The following CCDC73 variants were observed in gnomAD, a reference collection of about 807,000 sequenced individuals.
The protein encoded by CCDC73 is coiled-coil domain containing 73.
In CCDC73, 95 loss-of-function variants were observed where a neutral mutation model predicts 116.5. The observed-to-expected ratio is 0.82, with a 90% CI of 0.69 to 0.97. The LOEUF is 0.97. Among genes scored for constraint, CCDC73 ranks in the 50% least tolerant of loss-of-function variants. The probability of loss-of-function intolerance (pLI) is 0.00; values close to 1 mark genes in which losing one functional copy is unlikely to be tolerated. For synonymous variants in CCDC73, 398 were observed against 401.3 expected (o/e 0.99, Z 0.10); for missense variants, 1,066 against 1,206.8 (o/e 0.88, Z 1.73).
chr11:32,766,182 T>C (rs555929819), intron 1 of CCDC73, among the ~76,000 whole-genome samples: 1 of 152,104 alleles, frequency 6.6e-6, no homozygotes, highest in Admixed American at 6.5e-5. Flanking sequence ...TAATCCAGCA[T>C]ATAAACAAAA....
At chr11:32,825,231 T>A in the CCDC73 span, among the ~76,000 whole-genome samples, 2 of 151,192 alleles carry the variant, frequency 1.3e-5, no homozygotes, top group Admixed American at 6.6e-5. Context: ...AGAACTTCCA[T>A]GTAATGTGTG....
intron 12 of CCDC73, among the ~76,000 whole-genome samples, chr11:32,645,353 G>A (rs770531100): frequency 2.0e-5 from 3 of 147,016 alleles, no homozygotes; most frequent in African/African-American, 7.6e-5. Context: ...CTGCAATGGC[G>A]CGATCTCGGC....
chr11:32,675,680 T>G (rs771605314), intron 8 of CCDC73, 36 bp from the exon 9 acceptor site: 2 of 1,459,364 alleles, frequency 1.4e-6, no homozygotes, highest in Non-Finnish European at 1.9e-6. Flanking sequence ...AGCATTATAT[T>G]CAATGTATAT....
At chr11:32,616,165 T>C (rs766188916) in intron 14 of CCDC73, 36 bp from the exon 15 acceptor site, 3 of 1,523,368 alleles carry the variant, frequency 2.0e-6, no homozygotes, top group Non-Finnish European at 2.6e-6. Flanking sequence ...TTAAAAACAT[T>C]GCCTACAAGT....
intron 1 of CCDC73, among the ~76,000 whole-genome samples, chr11:32,763,352 G>C (rs1282938984): frequency 6.6e-6 from 1 of 152,226 alleles, no homozygotes; most frequent in East Asian, 1.9e-4. Context: ...CCCCAGTAGG[G>C]GCAGACTGAT....
intron 1 of CCDC73, among the ~76,000 whole-genome samples, chr11:32,764,699 C>T (rs543443914): frequency 9.2e-5 from 14 of 152,258 alleles, no homozygotes; most frequent in African/African-American, 1.7e-4. Flanking sequence ...GAAGAAACTG[C>T]GTAAACTAAC....
chr11:32,797,641 C>G (rs1322564421), upstream of CCDC73, among the ~76,000 whole-genome samples: 6 of 152,186 alleles, frequency 3.9e-5, no homozygotes, highest in Non-Finnish European at 8.8e-5. Context: ...TACACTTTCT[C>G]TCTCCTAATA....
At position 32,786,230 on chromosome 11, in the gene CCDC73, T is replaced by C. The variant is rs1734015732; in HGVS notation, c.-16+8383A>G. Among the ~76,000 whole-genome samples, 2 of 151,500 alleles carry C rather than the reference T, an allele frequency of 1.3e-5. 1 individual carries two copies. Among genetic ancestry groups the C allele is most frequent in the South Asian group, 4.1e-4 (2 of 4,822 alleles). ...TAGAAGGGTTGCCATTAAGAAATGC[T>C]TACTGAATCTTTATTTTTAACATTT... On this transcript the variant is annotated intron_variant, in intron 1 of 17. Coordinates refer to ENST00000335185, the MANE Select transcript of CCDC73 (RefSeq NM_001008391.4).
intron 6 of CCDC73, among the ~76,000 whole-genome samples, chr11:32,691,893 A>C (rs1475361249): frequency 2.0e-5 from 3 of 151,790 alleles, no homozygotes; most frequent in East Asian, 3.9e-4. Context: ...CTAAAAATAC[A>C]AAAAATTAGC....
chr11:32,792,672 A>C (rs1023374621), intron 1 of CCDC73, among the ~76,000 whole-genome samples: 2 of 152,230 alleles, frequency 1.3e-5, no homozygotes, highest in African/African-American at 4.8e-5. Context: ...CAGAAAACTC[A>C]GTCAGATTTC....
chr11:32,627,714 G>A (rs1016012551), intron 14 of CCDC73, among the ~76,000 whole-genome samples: 38 of 151,960 alleles, frequency 2.5e-4, no homozygotes, highest in East Asian at 1.9e-4. Context: ...GCAAACTATC[G>A]CAAGGACAAA....
Position 32,654,946 on chromosome 11 carries a change from C to A in CCDC73, c.672G>T (p.Leu224Phe). Reference protein sequence around the residue: ...KKELKKAASDLIKSKVTCQYK... With the variant: ...KKELKKAASDFIKSKVTCQYK... ...ATTGACATGTGACTTTGGACTTTAT[C>A]AAGTCTGAGGCTGCTTTTTTTAGTT... Residue 224 changes from leucine to phenylalanine, a missense_variant, in exon 10 of 18, where the codon TTG becomes TTT. Transcript: ENST00000335185. The A allele has an allele frequency of 1.2e-6, 2 of 1,601,950 alleles. No individual in the cohort carries two copies. Among genetic ancestry groups the A allele is most frequent in the Admixed American group, 1.8e-5 (1 of 56,736 alleles).
At chr11:32,641,323 G>T (rs937335800) in intron 13 of CCDC73, among the ~76,000 whole-genome samples, 4 of 151,858 alleles carry the variant, frequency 2.6e-5, no homozygotes, top group African/African-American at 9.7e-5. Context: ...CAATCTTGGG[G>T]TCCACCAATG....
chr11:32,620,533 C>T (rs1031147956), intron 14 of CCDC73, among the ~76,000 whole-genome samples: 17 of 145,846 alleles, frequency 1.2e-4, no homozygotes, highest in Non-Finnish European at 2.2e-4. Flanking sequence ...ATGACAGGAA[C>T]CTGGGAGGCG....
Position 32,630,785 on chromosome 11 carries a change from T to A in CCDC73, c.1185+4911A>T, listed in dbSNP as rs1855624872. Among the ~76,000 whole-genome samples the A allele has an allele frequency of 2.0e-5, 3 of 151,136 alleles. No homozygotes were observed. In the South Asian group the frequency reaches 6.2e-4, roughly 31 times the overall value. ...ACAGTAACAAAATACAATCAACAGTTCTCAAAAAAAAGAGAACATTAAAGA... is the reference window on the plus strand; with the variant it reads ...ACAGTAACAAAATACAATCAACAGTACTCAAAAAAAAGAGAACATTAAAGA... On this transcript the variant is annotated intron_variant, in intron 14 of 17. Coordinates refer to ENST00000335185, the MANE Select transcript of CCDC73 (RefSeq NM_001008391.4).
intron 17 of CCDC73, among the ~76,000 whole-genome samples, chr11:32,608,515 C>A (rs1855383399): frequency 6.6e-6 from 1 of 152,186 alleles, no homozygotes; most frequent in Admixed American, 6.5e-5. Context: ...GGTACAGCCT[C>A]CCTCCTGGCC....
At chr11:32,666,330 C>T (rs1855981103) in intron 9 of CCDC73, among the ~76,000 whole-genome samples, 1 of 152,156 alleles carries the variant, frequency 6.6e-6, no homozygotes, top group African/African-American at 2.4e-5. Flanking sequence ...TTCACATAGT[C>T]CCATATTTCT....
chr11:32,640,993 G>C (rs1855727562), intron 13 of CCDC73, among the ~76,000 whole-genome samples: 2 of 150,674 alleles, frequency 1.3e-5, no homozygotes, highest in African/African-American at 4.9e-5. Context: ...TCTAGCCTGG[G>C]GGACAGAGTG....
At chr11:32,720,036 TACTA>T (rs1196365866) in intron 2 of CCDC73, among the ~76,000 whole-genome samples, 1 of 152,152 alleles carries the variant, frequency 6.6e-6, no homozygotes, top group African/African-American at 2.4e-5. Flanking sequence ...AGGAAACACA[TACTA>T]ACTGATTTTA....
Sources: gnomAD v4.1 joint callset for allele counts (sites outside exome capture counted in the v4.1 genomes callset) on GRCh38, gnomAD v4.1.1 for gene constraint, MANE v1.5 for transcripts, NCBI Gene and HGNC (gene_info 2026-07-23, HGNC 2026-07-21) for gene names.